IL17RD: variants seen among roughly 807,000 people sequenced by gnomAD.
IL17RD encodes the protein interleukin 17 receptor D, also known as interleukin-17 receptor D.
A neutral mutation model predicts 80.5 loss-of-function variants in IL17RD; 52 were observed. The observed-to-expected ratio is 0.65, with a 90% CI of 0.52 to 0.81. IL17RD has a LOEUF of 0.81. Ranked by LOEUF, IL17RD falls within the 40% of genes least tolerant of loss-of-function variation. IL17RD has a pLI of 0.00. For missense variants in IL17RD, 1,024 were observed against 955.1 expected, an observed-to-expected ratio of 1.07 and a Z score of -0.95; for synonymous variants, 416 against 391.8, an observed-to-expected ratio of 1.06 and a Z score of -0.73.
intron 1 of IL17RD, among the ~76,000 whole-genome samples, chr3:57,141,653 T>C (rs1480023225): frequency 6.6e-6 from 1 of 152,194 alleles, no homozygotes; most frequent in African/African-American, 2.4e-5. Context: ...TATTAATATT[T>C]GTTATAATAA....
rs770746312 is a variant in IL17RD at position 57,098,375 on chromosome 3, C to G, written c.1328G>C (p.Gly443Ala). 8.1e-6 allele frequency: 13 copies of G among 1,614,044 alleles called. No homozygotes were observed. In the East Asian group the frequency reaches 2.9e-4, roughly 36 times the overall value. ...KNYKHKGGGR[G>A]SGKGELFLVA... The stretch of plus-strand genomic sequence containing the variant: ...CAGGAAGAGCTCTCCTTTCCCCGAG[C>G]CTCGGCCACCTCCTTTGTGTTTGTA... Residue 443 changes from glycine (G) to alanine (A), a missense_variant, in exon 12 of 13, where the codon GGC becomes GCC. Physicochemically the swap from Gly to Ala is moderately conservative, Grantham distance 60 (BLOSUM62 0). Transcript: ENST00000296318.
chr3:57,109,571 T>C lies in IL17RD; in HGVS notation c.516A>G (p.Glu172=). 1 of 1,613,870 alleles carries C rather than the reference T, an allele frequency of 6.2e-7. No individual in the cohort carries two copies. The highest frequency in any genetic ancestry group is 8.5e-7 in the Non-Finnish European group (1 of 1,179,788). Residue 172 remains glutamate, a synonymous_variant, in exon 5 of 13, where the codon GAA becomes GAG. Transcript: ENST00000296318. ...KVVPFPSIKN[E]SNYHPFFFRT... is the part of the protein sequence containing the mutation. Reference sequence around the variant, plus strand: ...TAAAGAAGAAAGGGTGGTAATTGCTTTCGTTTTTAATGGAAGGAAAAGGGA... The same window carrying C: ...TAAAGAAGAAAGGGTGGTAATTGCTCTCGTTTTTAATGGAAGGAAAAGGGA...
rs1284373957 is a variant in IL17RD at position 57,117,096 on chromosome 3, C to T, written c.185-2279G>A. Reference sequence around the variant, plus strand: ...TTGGGTTTCTGTAAATATAGTTATGCAATATAAAGTTTAAGAATTTTTTTT... The same window carrying T: ...TTGGGTTTCTGTAAATATAGTTATGTAATATAAAGTTTAAGAATTTTTTTT... On this transcript the variant is annotated intron_variant, in intron 2 of 12. Coordinates refer to ENST00000296318, the MANE Select transcript of IL17RD (RefSeq NM_017563.5). 6.8e-5 allele frequency among the ~76,000 whole-genome samples: 10 copies of T among 146,658 alleles called. No homozygotes were observed. In the Admixed American group the frequency reaches 7.2e-4, roughly 11 times the overall value.
At chr3:57,097,428 G>C in intron 12 of IL17RD, 168 bp downstream of exon 12, 1 of 626,014 alleles carries the variant, frequency 1.6e-6, no homozygotes, top group Non-Finnish European at 2.9e-6. Flanking sequence ...TCAAACATGT[G>C]AGTACTCCCA....
At chr3:57,145,983 C>A (rs533110969) in intron 1 of IL17RD, among the ~76,000 whole-genome samples, 2 of 151,908 alleles carry the variant, frequency 1.3e-5, no homozygotes, top group Admixed American at 6.6e-5. Flanking sequence ...GGGTAATGTG[C>A]GATCAATCCA....
intron 1 of IL17RD, among the ~76,000 whole-genome samples, chr3:57,125,823 AAGACAG>A (rs1488499797): frequency 3.3e-5 from 5 of 152,228 alleles, no homozygotes; most frequent in Non-Finnish European, 5.9e-5. Flanking sequence ...GGAGAGGCTG[AAGACAG>A]AGTCGAGGAG....
chr3:57,104,854 T>C (rs1275088180), intron 7 of IL17RD, among the ~76,000 whole-genome samples: 1 of 152,088 alleles, frequency 6.6e-6, no homozygotes, highest in Non-Finnish European at 1.5e-5. Context: ...CACAGGAGCA[T>C]GTCTAAGGAG....
At chr3:57,103,398 G>A (rs1559467665) in intron 8 of IL17RD, among the ~76,000 whole-genome samples, 1 of 152,152 alleles carries the variant, frequency 6.6e-6, no homozygotes, top group Admixed American at 6.5e-5. Context: ...TCAAAAGGCT[G>A]TGTATTCATT....
chr3:57,136,672 G>A (rs1162564748), intron 1 of IL17RD, among the ~76,000 whole-genome samples: 2 of 126,656 alleles, frequency 1.6e-5, no homozygotes, highest in Non-Finnish European at 3.1e-5. Context: ...AAACTTAGCT[G>A]ATCTAAAAGC....
At chr3:57,131,122 A>G (rs186153515) in intron 1 of IL17RD, among the ~76,000 whole-genome samples, 14 of 152,242 alleles carry the variant, frequency 9.2e-5, no homozygotes, top group African/African-American at 3.4e-4. Flanking sequence ...GCATGTGAAC[A>G]AGCTTCCCCT....
At chr3:57,124,861 G>A (rs919133478) in intron 1 of IL17RD, among the ~76,000 whole-genome samples, 10 of 152,106 alleles carry the variant, frequency 6.6e-5, no homozygotes, top group South Asian at 6.2e-4. Flanking sequence ...CCCAACACCC[G>A]GAGCTGATCC....
intron 1 of IL17RD, among the ~76,000 whole-genome samples, chr3:57,147,785 A>G (rs988870004): frequency 6.6e-6 from 1 of 152,084 alleles, no homozygotes; most frequent in Non-Finnish European, 1.5e-5. Flanking sequence ...CATAAGTAAA[A>G]AATAACCATA....
intron 1 of IL17RD, among the ~76,000 whole-genome samples, chr3:57,123,949 G>A (rs1470557015): frequency 6.6e-6 from 1 of 152,178 alleles, no homozygotes; most frequent in Non-Finnish European, 1.5e-5. Flanking sequence ...GGAGGCTGAG[G>A]CGGGAGAATC....
upstream of IL17RD, among the ~76,000 whole-genome samples, chr3:57,166,069 T>C (rs2060346940): frequency 6.6e-6 from 1 of 151,874 alleles, no homozygotes; most frequent in Admixed American, 6.5e-5. Context: ...CTACTACACT[T>C]GTCAAACATA....
chr3:57,112,864 G>A (rs543348860), intron 3 of IL17RD, among the ~76,000 whole-genome samples: 3 of 152,162 alleles, frequency 2.0e-5, no homozygotes, highest in Non-Finnish European at 4.4e-5. Flanking sequence ...GTAACATCAG[G>A]TGGCAGTGTC....
intron 11 of IL17RD, 55 bp from the exon 12 acceptor site, chr3:57,098,593 G>C (rs1204165450): frequency 5.9e-6 from 7 of 1,193,368 alleles, no homozygotes; most frequent in Non-Finnish European, 7.2e-6. Flanking sequence ...AGAGGCTCGG[G>C]AAGTGAGTAA....
intron 10 of IL17RD, 76 bp downstream of exon 10, chr3:57,102,403 C>T (rs947709981): frequency 1.4e-6 from 1 of 698,696 alleles, no homozygotes; most frequent in Non-Finnish European, 2.2e-6. Flanking sequence ...CCCAGGTACT[C>T]CCAGTCTCTC....
rs754175796 is a variant in IL17RD, at chr3:57,097,601, C to A, written c.2102G>T (p.Gly701Val). 4 of 1,571,320 alleles carry A rather than the reference C, an allele frequency of 2.5e-6. No homozygotes were observed. Among genetic ancestry groups the A allele is most frequent in the East Asian group, 2.4e-5 (1 of 42,432 alleles). The change falls in exon 12 of 13, where the codon GGC (glycine) becomes GTC (valine). Residue 701 changes from glycine (G) to valine (V), a missense_variant. By Grantham distance (109) the Gly-to-Val change is moderately radical (BLOSUM62 -3). Transcript: ENST00000296318. ...CGGCCCCAAAGGCACCTTACCCAGGCCTGAAGAGGAGGACACGCTCTCCGT... is the reference window on the plus strand; with the variant it reads ...CGGCCCCAAAGGCACCTTACCCAGGACTGAAGAGGAGGACACGCTCTCCGT... The part of the protein sequence containing the change: ...SLTESVSSSS[G>V]LGEEEPPALP...
intron 3 of IL17RD, among the ~76,000 whole-genome samples, chr3:57,112,266 T>C (rs993094705): frequency 6.6e-6 from 1 of 152,194 alleles, no homozygotes; most frequent in African/African-American, 2.4e-5. Context: ...GGTGTTATTA[T>C]CCCCATTTTA....
Sources: allele counts gnomAD v4.1 joint callset (sites outside exome capture counted in the v4.1 genomes callset), GRCh38; gene constraint gnomAD v4.1.1; transcripts MANE v1.5; gene names NCBI Gene and HGNC (gene_info 2026-07-23, HGNC 2026-07-21).